ARHGAP26: variants seen among roughly 807,000 people sequenced by gnomAD.
ARHGAP26 encodes rho GTPase-activating protein 26.
Under a neutral mutation model 104.8 loss-of-function variants are expected in ARHGAP26, and 38 were observed. The observed-to-expected ratio is 0.36, with a 90% CI of 0.28 to 0.48. The LOEUF (loss-of-function observed/expected upper bound fraction) is 0.48, where lower values mean the gene tolerates loss of function less well. Among genes scored for constraint, ARHGAP26 ranks in the 20% least tolerant of loss-of-function variants. The probability of loss-of-function intolerance (pLI) is 0.99; values close to 1 mark genes in which losing one functional copy is unlikely to be tolerated. For synonymous variants in ARHGAP26, 341 were observed against 340.0 expected (o/e 1.00, Z -0.03); for missense variants, 704 against 947.9 (o/e 0.74, Z 3.38).
intron 20 of ARHGAP26, among the ~76,000 whole-genome samples, chr5:143,175,309 CA>C (rs1389232641): frequency 6.6e-6 from 1 of 152,116 alleles, no homozygotes; most frequent in Admixed American, 6.5e-5. Context: ...TCATGAGAAG[CA>C]TAAGCAAAAT....
chr5:143,085,307 G>T (rs564067349), intron 17 of ARHGAP26, among the ~76,000 whole-genome samples: 1 of 152,192 alleles, frequency 6.6e-6, no homozygotes, highest in East Asian at 1.9e-4. Context: ...TCACCAGTTA[G>T]TCTCATATAC....
intron 17 of ARHGAP26, among the ~76,000 whole-genome samples, chr5:143,092,966 C>A (rs952071499): frequency 7.2e-5 from 11 of 152,316 alleles, no homozygotes; most frequent in Non-Finnish European, 1.6e-4. Context: ...CATCTATCGT[C>A]CTGTCCTGAA....
chr5:143,157,172 CTTT>C lies in ARHGAP26; in HGVS notation c.1988+9808_1988+9810del, dbSNP rs56740224. 2.5e-4 allele frequency among the ~76,000 whole-genome samples: 35 copies of C among 141,286 alleles called. 1 individual carries two copies. Among genetic ancestry groups the C allele is most frequent in the South Asian group, 4.4e-4 (2 of 4,584 alleles). 92.7% of individuals were successfully genotyped at this position (141,286 alleles called of 152,430 possible). ...TTGGACTAAGTTCAACACATTCTTT[CTTT>C]TTTTTTTTTTTTTTTTCTCGAGACA... On this transcript the variant is annotated intron_variant, in intron 20 of 22. Transcript: ENST00000645722.
At chr5:143,182,001 GT>G (rs1465830885) in intron 20 of ARHGAP26, among the ~76,000 whole-genome samples, 11 of 152,022 alleles carry the variant, frequency 7.2e-5, no homozygotes, top group African/African-American at 2.7e-4. Context: ...GCTTATTCTT[GT>G]CCCCGTACAA....
intron 1 of ARHGAP26, among the ~76,000 whole-genome samples, chr5:142,844,774 G>T (rs1771587470): frequency 1.3e-5 from 2 of 150,714 alleles, no homozygotes; most frequent in African/African-American, 4.9e-5. Context: ...AGAATCGCTT[G>T]AATCTGGGAG....
At chr5:143,199,312 G>C (rs1807347433) in intron 20 of ARHGAP26, among the ~76,000 whole-genome samples, 1 of 152,220 alleles carries the variant, frequency 6.6e-6, no homozygotes, top group African/African-American at 2.4e-5. Context: ...GTAAAAGCTT[G>C]AGTGGACACA....
intron 20 of ARHGAP26, among the ~76,000 whole-genome samples, chr5:143,163,780 T>A (rs577887209): frequency 6.6e-6 from 1 of 152,282 alleles, no homozygotes; most frequent in South Asian, 2.1e-4. Context: ...CCATCTTTTT[T>A]CTCTTGTTCT....
At chr5:142,791,021 T>C (rs1759690396) in intron 1 of ARHGAP26, among the ~76,000 whole-genome samples, 1 of 152,164 alleles carries the variant, frequency 6.6e-6, no homozygotes, top group Non-Finnish European at 1.5e-5. Flanking sequence ...CAACTCTAAG[T>C]GTTGATGGCC....
In ARHGAP26 at chr5:143,057,710, C is replaced by T; in HGVS notation, c.1501C>T (p.Arg501Trp). ...SLVHRLPEKN[R>W]QMLQLLMNHL... The stretch of plus-strand genomic sequence containing the variant: ...TGTTCATCGGCTCCCAGAGAAAAAT[C>T]GGCAGATGTTACAGCTGCTCATGAA... The change falls in exon 17 of 23, where the codon CGG (arginine) becomes TGG (tryptophan). Residue 501 changes from arginine to tryptophan, a missense_variant. Transcript: ENST00000645722. The T allele has an allele frequency of 3.1e-6, 5 of 1,613,928 alleles. No individual in the cohort carries two copies. The highest frequency in any genetic ancestry group is 2.2e-5 in the East Asian group (1 of 44,880).
At chr5:143,101,727 T>C (rs1029325560) in intron 17 of ARHGAP26, among the ~76,000 whole-genome samples, 1 of 152,192 alleles carries the variant, frequency 6.6e-6, no homozygotes, top group Admixed American at 6.5e-5. Context: ...GGAACTGGAT[T>C]AATTTTTTTG....
At chr5:143,109,275 C>G (rs9324905) in intron 17 of ARHGAP26, among the ~76,000 whole-genome samples, 129,346 of 152,146 alleles carry the variant, frequency 0.85, 55,823 homozygotes, top group Non-Finnish European at 0.92. Flanking sequence ...GGAAAATGGG[C>G]AACAACTGCA....
chr5:142,895,023 C>T lies in ARHGAP26; in HGVS notation c.597+675C>T, dbSNP rs1182680996. Among the ~76,000 whole-genome samples the T allele has an allele frequency of 2.6e-5, 4 of 152,340 alleles. No individual in the cohort carries two copies. The East Asian group carries it at 5.8e-4, about 22-fold the overall frequency. Reference sequence around the variant, plus strand: ...GTGGTTTCATTTGGACATGGTGCCACTCCACTTTGCTGGGTGTGGCACTGG... The same window carrying T: ...GTGGTTTCATTTGGACATGGTGCCATTCCACTTTGCTGGGTGTGGCACTGG... On this transcript the variant is annotated intron_variant, in intron 6 of 22. Transcript: ENST00000645722.
chr5:143,017,492 C>T (rs1038353121), intron 12 of ARHGAP26, among the ~76,000 whole-genome samples: 2 of 152,330 alleles, frequency 1.3e-5, no homozygotes, highest in East Asian at 3.9e-4. Flanking sequence ...ACATTATCAG[C>T]ACAGGTTTCT....
chr5:143,190,211 G>C (rs1314519030), intron 20 of ARHGAP26, among the ~76,000 whole-genome samples: 1 of 152,202 alleles, frequency 6.6e-6, no homozygotes, highest in East Asian at 1.9e-4. Context: ...TCTTATAACA[G>C]ATGGCACAAA....
intron 19 of ARHGAP26, among the ~76,000 whole-genome samples, chr5:143,138,618 A>G (rs140153485): frequency 6.6e-6 from 1 of 152,340 alleles, no homozygotes; most frequent in East Asian, 1.9e-4. Context: ...AGCAGTGGGC[A>G]GCTCTTGTCT....
At chr5:142,872,882 C>A (rs998429265) in intron 1 of ARHGAP26, among the ~76,000 whole-genome samples, 1 of 152,158 alleles carries the variant, frequency 6.6e-6, no homozygotes, top group African/African-American at 2.4e-5. Flanking sequence ...AGAGGAAGGC[C>A]AGGTGCTATG....
At chr5:143,037,424 C>T (rs1293472375) in intron 13 of ARHGAP26, among the ~76,000 whole-genome samples, 163 bp downstream of exon 13, 2 of 152,112 alleles carry the variant, frequency 1.3e-5, no homozygotes, top group African/African-American at 4.8e-5. Context: ...AGCAGGAGGT[C>T]CTAACTGATT....
intron 11 of ARHGAP26, among the ~76,000 whole-genome samples, chr5:143,012,900 C>T (rs910865995): frequency 6.6e-6 from 1 of 151,810 alleles, no homozygotes; most frequent in African/African-American, 2.4e-5. Context: ...ATGATCCACC[C>T]GCCTGGGCCT....
At chr5:143,040,663 G>A (rs1351547023) in intron 13 of ARHGAP26, among the ~76,000 whole-genome samples, 1 of 152,216 alleles carries the variant, frequency 6.6e-6, no homozygotes, top group Non-Finnish European at 1.5e-5. Flanking sequence ...GTTGATTGTG[G>A]ATTGCATTAG....
Sources: gnomAD v4.1 joint callset for allele counts (sites outside exome capture counted in the v4.1 genomes callset) on GRCh38, gnomAD v4.1.1 for gene constraint, MANE v1.5 for transcripts, NCBI Gene and HGNC (gene_info 2026-07-23, HGNC 2026-07-21) for gene names.